Variants in DLG2 observed in about 807,000 individuals in gnomAD.
The protein encoded by DLG2 is discs large MAGUK scaffold protein 2, also known as disks large homolog 2.
DLG2 carries 45 observed loss-of-function variants against 132.5 expected under a neutral mutation model. That is an observed-to-expected ratio of 0.34 (90% CI 0.27 to 0.44). DLG2 has a LOEUF of 0.44. Ranked by LOEUF, DLG2 falls within the 20% of genes least tolerant of loss-of-function variation. DLG2 has a pLI of 1.00. For synonymous variants in DLG2, 424 were observed against 419.6 expected, an observed-to-expected ratio of 1.01 and a Z score of -0.13; for missense variants, 1,045 against 1,196.9, an observed-to-expected ratio of 0.87 and a Z score of 1.87.
intron 8 of DLG2, among the ~76,000 whole-genome samples, chr11:84,175,391 A>G (rs951767835): frequency 3.3e-5 from 5 of 152,138 alleles, no homozygotes; most frequent in Non-Finnish European, 7.4e-5. Flanking sequence ...TTGTTATTAA[A>G]GAAATAAATG....
intron 20 of DLG2, among the ~76,000 whole-genome samples, chr11:83,540,127 C>T (rs1441212685): frequency 6.6e-6 from 1 of 152,184 alleles, no homozygotes; most frequent in African/African-American, 2.4e-5. Flanking sequence ...CCATTACTAT[C>T]TTTGGGGCCA....
Position 83,456,917 on chromosome 11 carries a change from C to G in DLG2, c.*2901G>C, listed in dbSNP as rs769709898. 3.9e-5 allele frequency: 6 copies of G among 152,576 alleles called. No individual in the cohort carries two copies. Among genetic ancestry groups the G allele is most frequent in the Non-Finnish European group, 8.8e-5 (6 of 68,028 alleles). The allele number at this position is 152,576 out of a possible 1,614,324, so 9.5% of individuals were successfully genotyped here. ...CCTGCAAATAAATAGCCAAGAAATCCCGCAAAAGGCCTGCAAATAAATGGC... is the reference window on the plus strand; with the variant it reads ...CCTGCAAATAAATAGCCAAGAAATCGCGCAAAAGGCCTGCAAATAAATGGC... On this transcript the variant is annotated 3_prime_UTR_variant, in exon 28 of 28. Coordinates refer to ENST00000376104, the MANE Select transcript of DLG2 (RefSeq NM_001142699.3).
At chr11:85,491,636 T>G (rs925200932) in intron 3 of DLG2, among the ~76,000 whole-genome samples, 3 of 152,050 alleles carry the variant, frequency 2.0e-5, no homozygotes, top group African/African-American at 7.2e-5. Context: ...GAAATTTATT[T>G]AAAACCTACT....
intron 19 of DLG2, among the ~76,000 whole-genome samples, chr11:83,593,853 T>A (rs2097237723): frequency 6.6e-6 from 1 of 151,588 alleles, no homozygotes; most frequent in African/African-American, 2.4e-5. Flanking sequence ...AAAAAAAAGA[T>A]AAAATAGTGC....
At chr11:83,780,238 G>A (rs2094758497) in intron 18 of DLG2, among the ~76,000 whole-genome samples, 2 of 152,132 alleles carry the variant, frequency 1.3e-5, no homozygotes, top group South Asian at 4.1e-4. Context: ...AGGTACAGAA[G>A]GTGTCCATAT....
intron 8 of DLG2, among the ~76,000 whole-genome samples, chr11:84,217,914 T>A (rs990637282): frequency 1.3e-5 from 2 of 152,146 alleles, no homozygotes; most frequent in Admixed American, 1.3e-4. Flanking sequence ...ACACCTGTAA[T>A]CCCAGCACTT....
In DLG2 at chr11:85,074,590, T is replaced by A. The variant is rs146277211; in HGVS notation, c.357+37071A>T. On this transcript the variant is annotated intron_variant, in intron 6 of 27. Transcript: ENST00000376104. ...AACTTGGGCCATAAACAACAGAAGA[T>A]CATTTCTGTTAACAGTAGAAGAATA... Among the ~76,000 whole-genome samples the A allele has an allele frequency of 1.7e-4, 26 of 152,010 alleles. 1 individual carries two copies. The East Asian group carries it at 4.9e-3, about 28-fold the overall frequency.
At chr11:85,588,576 C>T (rs1421485447) in intron 3 of DLG2, among the ~76,000 whole-genome samples, 1 of 152,030 alleles carries the variant, frequency 6.6e-6, no homozygotes, top group Admixed American at 6.5e-5. Context: ...ATTTTTCATC[C>T]ATATCCTGTA....
At position 84,620,067 on chromosome 11, in the gene DLG2, T is replaced by A. The variant is rs532081638; in HGVS notation, c.358-85336A>T. On this transcript the variant is annotated intron_variant, in intron 6 of 27. Coordinates refer to ENST00000376104, the MANE Select transcript of DLG2 (RefSeq NM_001142699.3). The stretch of plus-strand genomic sequence containing the variant: ...AATAATAATTTAAATTTTTAGTTAA[T>A]GTAGTAATTTATTATAAAGAATTTT... Among the ~76,000 whole-genome samples the A allele has an allele frequency of 1.3e-4, 19 of 151,706 alleles. 1 individual carries two copies. The South Asian group carries it at 3.9e-3, about 31-fold the overall frequency.
chr11:85,165,445 C>T, intron 4 of DLG2, among the ~76,000 whole-genome samples: 1 of 152,292 alleles, frequency 6.6e-6, no homozygotes, highest in East Asian at 1.9e-4. Flanking sequence ...AAGAGATTCA[C>T]AGCAACCCAT....
intron 7 of DLG2, among the ~76,000 whole-genome samples, chr11:84,341,080 A>C (rs1475927985): frequency 6.6e-6 from 1 of 152,192 alleles, no homozygotes; most frequent in Non-Finnish European, 1.5e-5. Flanking sequence ...ATAACTGCTA[A>C]GGATCGTAAG....
chr11:83,720,294 GAAAAAAAAAAAAA>G (rs10573464), intron 18 of DLG2, among the ~76,000 whole-genome samples: 608 of 27,330 alleles, frequency 0.022, 14 homozygotes, highest in Middle Eastern at 0.14. Context: ...CTCCATCTCA[GAAAAAAAAAAAAA>G]AAAAAAAAAA....
At chr11:84,358,205 C>A (rs1161485095) in intron 7 of DLG2, among the ~76,000 whole-genome samples, 2 of 151,814 alleles carry the variant, frequency 1.3e-5, no homozygotes, top group Non-Finnish European at 2.9e-5. Context: ...GCAGCTATGT[C>A]CTTTGCAGTG....
intron 6 of DLG2, among the ~76,000 whole-genome samples, chr11:84,903,934 GT>G (rs1368068389): frequency 2.6e-5 from 4 of 151,992 alleles, no homozygotes; most frequent in Non-Finnish European, 4.4e-5. Context: ...AAAATTTCCA[GT>G]TTTTTCAATA....
chr11:84,335,875 G>A (rs559201840), intron 7 of DLG2, among the ~76,000 whole-genome samples: 2 of 152,184 alleles, frequency 1.3e-5, no homozygotes, highest in African/African-American at 4.8e-5. Context: ...GGGTAATATC[G>A]ATGATGATTA....
chr11:84,563,063 G>A (rs1417348843), intron 6 of DLG2, among the ~76,000 whole-genome samples: 1 of 152,120 alleles, frequency 6.6e-6, no homozygotes, highest in Non-Finnish European at 1.5e-5. Context: ...CTCCATTTAC[G>A]TAAGTTTATC....
intron 7 of DLG2, among the ~76,000 whole-genome samples, chr11:84,463,963 A>G (rs1339979138): frequency 3.3e-5 from 5 of 151,284 alleles, no homozygotes; most frequent in Non-Finnish European, 3.0e-5. Context: ...ACTGAAGTTC[A>G]CCTTTAGTGA....
chr11:84,110,765 T>G (rs1030427522), intron 9 of DLG2, among the ~76,000 whole-genome samples: 6 of 152,232 alleles, frequency 3.9e-5, no homozygotes, highest in Middle Eastern at 3.2e-3. Flanking sequence ...GCTTAGCAGC[T>G]GGGTTCCAGG....
At chr11:83,823,056 C>G (rs1439806982) in intron 17 of DLG2, among the ~76,000 whole-genome samples, 3 of 152,120 alleles carry the variant, frequency 2.0e-5, no homozygotes, top group African/African-American at 7.2e-5. Flanking sequence ...GAGATAATCA[C>G]AGTGAGATAC....
Sources: gnomAD v4.1 joint callset for allele counts (sites outside exome capture counted in the v4.1 genomes callset) on GRCh38, gnomAD v4.1.1 for gene constraint, MANE v1.5 for transcripts, NCBI Gene and HGNC (gene_info 2026-07-23, HGNC 2026-07-21) for gene names.